The following SEMA3A variants were observed in gnomAD, a reference collection of about 807,000 sequenced individuals.
SEMA3A encodes semaphorin 3A, also known as semaphorin-3A.
In SEMA3A, 29 loss-of-function variants were observed where a neutral mutation model predicts 97.9. The observed-to-expected ratio is 0.30, with a 90% CI of 0.22 to 0.40. The LOEUF is 0.40. Among genes scored for constraint, SEMA3A ranks in the 10% least tolerant of loss-of-function variants. The probability of loss-of-function intolerance (pLI) is 1.00; values close to 1 mark genes in which losing one functional copy is unlikely to be tolerated. For synonymous variants in SEMA3A, 321 were observed against 323.7 expected (o/e 0.99, Z 0.09); for missense variants, 763 against 951.3 (o/e 0.80, Z 2.60).
At chr7:84,123,748 T>G (rs1463456816) in intron 3 of SEMA3A, among the ~76,000 whole-genome samples, 2 of 104,072 alleles carry the variant, frequency 1.9e-5, no homozygotes, top group African/African-American at 7.2e-5. Flanking sequence ...AAATATACAA[T>G]TTATTTCTTA....
At chr7:84,085,344 A>G (rs1332554749) in intron 4 of SEMA3A, among the ~76,000 whole-genome samples, 1 of 151,854 alleles carries the variant, frequency 6.6e-6, no homozygotes. Context: ...ATGTAGGAGG[A>G]TATCATATTA....
chr7:84,351,064 C>T (rs1432084436), intron 2 of SEMA3A, among the ~76,000 whole-genome samples: 1 of 131,314 alleles, frequency 7.6e-6, no homozygotes, highest in Non-Finnish European at 1.6e-5. Context: ...TGTACACATG[C>T]ATACACACAC....
intron 3 of SEMA3A, among the ~76,000 whole-genome samples, chr7:84,241,119 C>T (rs778594708): frequency 6.6e-6 from 1 of 152,040 alleles, no homozygotes; most frequent in South Asian, 2.1e-4. Context: ...GGGTATATAC[C>T]CAGTAATGGG....
chr7:84,358,718 T>C (rs550118408), intron 2 of SEMA3A, among the ~76,000 whole-genome samples: 1 of 152,140 alleles, frequency 6.6e-6, no homozygotes, highest in Non-Finnish European at 1.5e-5. Context: ...ATCTATAAAT[T>C]ACCTTGGGCA....
chr7:84,468,752 G>A (rs574858368), intron 1 of SEMA3A, among the ~76,000 whole-genome samples: 1 of 151,914 alleles, frequency 6.6e-6, no homozygotes, highest in Non-Finnish European at 1.5e-5. Flanking sequence ...TAAACGATCT[G>A]ATTTCCAGGT....
chr7:83,968,972 G>A (rs956976425), intron 15 of SEMA3A, among the ~76,000 whole-genome samples: 2 of 151,616 alleles, frequency 1.3e-5, no homozygotes, highest in Admixed American at 6.6e-5. Flanking sequence ...CACCACAGCT[G>A]GCTAATTTTT....
chr7:84,225,644 G>A (rs926522222), intron 3 of SEMA3A, among the ~76,000 whole-genome samples: 1 of 152,016 alleles, frequency 6.6e-6, no homozygotes, highest in African/African-American at 2.4e-5. Context: ...GTGTTTGCCT[G>A]CATCAATCAC....
intron 6 of SEMA3A, among the ~76,000 whole-genome samples, chr7:84,037,934 A>G (rs1001147206): frequency 6.6e-6 from 1 of 152,028 alleles, no homozygotes; most frequent in Non-Finnish European, 1.5e-5. Context: ...TCTACCTTGA[A>G]AATGTTTATT....
intron 3 of SEMA3A, among the ~76,000 whole-genome samples, chr7:84,230,417 G>A (rs902638410): frequency 3.9e-5 from 6 of 152,018 alleles, no homozygotes; most frequent in Admixed American, 2.6e-4. Context: ...TTGGAGTGAG[G>A]TCCACATAAA....
At chr7:84,032,083 A>C (rs1403069950) in intron 6 of SEMA3A, among the ~76,000 whole-genome samples, 2 of 152,182 alleles carry the variant, frequency 1.3e-5, no homozygotes, top group African/African-American at 4.8e-5. Flanking sequence ...ATTTTATGCA[A>C]AATGGAGGTT....
chr7:84,272,436 T>C (rs1800173791), intron 3 of SEMA3A, among the ~76,000 whole-genome samples: 1 of 152,078 alleles, frequency 6.6e-6, no homozygotes, highest in African/African-American at 2.4e-5. Context: ...ATACCAGATT[T>C]AACTGAGTAT....
rs199659977 is a variant in SEMA3A at position 84,020,428 on chromosome 7, A to AT, written c.668-6078dup. ...TTCATCAAGCTATGTCAACTTTCCTATTTTTTTTTTTTAGACCCAATGCTG... is the reference window on the plus strand; with the variant it reads ...TTCATCAAGCTATGTCAACTTTCCTATTTTTTTTTTTTTAGACCCAATGCTG... On this transcript the variant is annotated intron_variant, in intron 6 of 16. Transcript: ENST00000265362. 2.7e-3 allele frequency among the ~76,000 whole-genome samples: 385 copies of AT among 142,298 alleles called. 3 individuals carry two copies. Among genetic ancestry groups the AT allele is most frequent in the African/African-American group, 8.1e-3 (316 of 38,912 alleles). The allele number at this position is 142,298 out of a possible 152,430, so 93.4% of individuals were successfully genotyped here.
At chr7:84,148,455 A>G (rs1796531161) in intron 1 of SEMA3A, among the ~76,000 whole-genome samples, 1 of 152,142 alleles carries the variant, frequency 6.6e-6, no homozygotes, top group African/African-American at 2.4e-5. Context: ...ACAGCATACA[A>G]CGTAGTCCGG....
At chr7:83,996,662 T>G (rs1405402119) in intron 12 of SEMA3A, among the ~76,000 whole-genome samples, 1 of 150,670 alleles carries the variant, frequency 6.6e-6, no homozygotes, top group East Asian at 1.9e-4. Flanking sequence ...ATCACAGTCT[T>G]TACTGTGAGA....
intron 6 of SEMA3A, among the ~76,000 whole-genome samples, chr7:84,016,914 T>C (rs2116428715): frequency 6.6e-6 from 1 of 152,366 alleles, no homozygotes; most frequent in African/African-American, 2.4e-5. Context: ...GCTTTAATAC[T>C]GGAACAATGG....
chr7:84,150,299 G>A (rs1378890637), intron 1 of SEMA3A, among the ~76,000 whole-genome samples: 2 of 152,174 alleles, frequency 1.3e-5, no homozygotes, highest in African/African-American at 4.8e-5. Context: ...CGCAGAAGAC[G>A]GGTGATTTCT....
chr7:84,304,827 T>C (rs561247998), intron 3 of SEMA3A, among the ~76,000 whole-genome samples: 1 of 152,146 alleles, frequency 6.6e-6, no homozygotes, highest in East Asian at 1.9e-4. Flanking sequence ...CTGTTGATCT[T>C]AGCATTCTGG....
In SEMA3A at chr7:83,961,333, A is replaced by AT. The variant is rs1788461095; in HGVS notation, c.*37_*38insA. Reference sequence around the variant, plus strand: ...TGTTTTTCCAGTTATTGTCTAGGCAAGTTTCTACTTGTTTGAGGTTTCTAG... The same window carrying AT: ...TGTTTTTCCAGTTATTGTCTAGGCAATGTTTCTACTTGTTTGAGGTTTCTAG... On this transcript the variant is annotated 3_prime_UTR_variant, in exon 17 of 17. Coordinates refer to ENST00000265362, the MANE Select transcript of SEMA3A (RefSeq NM_006080.3). 3.9e-6 allele frequency: 6 copies of AT among 1,520,082 alleles called. No individual in the cohort carries two copies. Among genetic ancestry groups the AT allele is most frequent in the Non-Finnish European group, 5.5e-6 (6 of 1,096,980 alleles). The allele number at this position is 1,520,082 out of a possible 1,614,324, so 94.2% of individuals were successfully genotyped here. A position where few individuals can be genotyped will look rare whatever the true frequency, so the allele number is the denominator to read the frequency against.
chr7:84,231,214 T>C (rs1414503218), intron 3 of SEMA3A, among the ~76,000 whole-genome samples: 1 of 152,018 alleles, frequency 6.6e-6, no homozygotes, highest in Non-Finnish European at 1.5e-5. Flanking sequence ...AAAGTTATCC[T>C]GTGGCCTTCT....
Sources: allele counts gnomAD v4.1 joint callset (sites outside exome capture counted in the v4.1 genomes callset), GRCh38; gene constraint gnomAD v4.1.1; transcripts MANE v1.5; gene names NCBI Gene and HGNC (gene_info 2026-07-23, HGNC 2026-07-21).